Variants in CHAT observed in about 807,000 individuals in gnomAD.
CHAT encodes choline O-acetyltransferase, also known as acetyl CoA:choline O-acetyltransferase.
Under a neutral mutation model 76.9 loss-of-function variants are expected in CHAT, and 61 were observed. The ratio of observed to expected loss-of-function variants is 0.79; its 90% CI spans 0.65 to 0.98. The LOEUF is 0.98. Ranked by LOEUF, CHAT falls within the 50% of genes least tolerant of loss-of-function variation. The probability of loss-of-function intolerance (pLI) is 0.00; values close to 1 mark genes in which losing one functional copy is unlikely to be tolerated. For synonymous variants in CHAT, 407 were observed against 397.4 expected (o/e 1.02, Z -0.29); for missense variants, 946 against 986.9 (o/e 0.96, Z 0.56).
At chr10:49,637,716 T>G (rs2132767106) in intron 7 of CHAT, 1 of 152,358 alleles carries the variant, frequency 6.6e-6, no homozygotes, top group East Asian at 1.9e-4. Flanking sequence ...TTTAGAGCAG[T>G]GTGAAAACAG....
chr10:49,644,747 C>G (rs1035713676), intron 7 of CHAT, among the ~76,000 whole-genome samples: 1 of 152,174 alleles, frequency 6.6e-6, no homozygotes, highest in Non-Finnish European at 1.5e-5. Flanking sequence ...ACTGGAGACT[C>G]CTTTCAGGCA....
intron 2 of CHAT, among the ~76,000 whole-genome samples, chr10:49,618,188 A>G (rs1318905710): frequency 6.6e-6 from 1 of 152,174 alleles, no homozygotes; most frequent in Non-Finnish European, 1.5e-5. Flanking sequence ...TATCCTTCCA[A>G]ATCTCTCCAC....
At chr10:49,615,592 A>C (rs1838461083) in intron 1 of CHAT, among the ~76,000 whole-genome samples, 1 of 152,208 alleles carries the variant, frequency 6.6e-6, no homozygotes, top group African/African-American at 2.4e-5. Context: ...CCTCAGCTTT[A>C]GACTTGAGAG....
intron 3 of CHAT, 54 bp downstream of exon 3, chr10:49,619,970 GAC>G: frequency 6.4e-7 from 1 of 1,556,626 alleles, no homozygotes; most frequent in Admixed American, 1.9e-5. Context: ...CAGACCTGGA[GAC>G]AGAGGGATCT....
At chr10:49,645,464 C>A (rs953890164) in intron 7 of CHAT, among the ~76,000 whole-genome samples, 7 of 152,290 alleles carry the variant, frequency 4.6e-5, no homozygotes, top group Middle Eastern at 6.8e-3. Flanking sequence ...AGGCTGTGTA[C>A]CCCCACACCC....
At position 49,666,855 on chromosome 10, in the gene CHAT, G is replaced by T. The variant is rs558464249; in HGVS notation, c.*1809G>T. On this transcript the variant is annotated 3_prime_UTR_variant, in exon 15 of 15. Transcript: ENST00000337653. ...AGGGTCCTGGGTTTTCTGGGGAAAG[G>T]CAGCCCACCTGCTGTAAGTTGGCCC... Among the ~76,000 whole-genome samples, 2 of 152,304 alleles carry T rather than the reference G, an allele frequency of 1.3e-5. No individual in the cohort carries two copies. Among genetic ancestry groups the T allele is most frequent in the East Asian group, 3.9e-4 (2 of 5,186 alleles).
rs148944710 is a variant in CHAT at position 49,631,644 on chromosome 10, G to A, written c.1111+3859G>A. Among the ~76,000 whole-genome samples, 27 of 152,342 alleles carry A rather than the reference G, an allele frequency of 1.8e-4. No individual in the cohort carries two copies. In the East Asian group the frequency reaches 5.2e-3, roughly 29 times the overall value. On this transcript the variant is annotated intron_variant, in intron 7 of 14. Transcript: ENST00000337653. ...CATGAGATGTGTTCAGTGGGTATCA[G>A]AGGATGTGAACTAGAAAGCCAGGAA...
chr10:49,620,133 G>A (rs749065254), intron 3 of CHAT, among the ~76,000 whole-genome samples: 5 of 152,020 alleles, frequency 3.3e-5, no homozygotes, highest in African/African-American at 4.8e-5. Context: ...TGGGAAATAC[G>A]GATAGAGAAA....
intron 4 of CHAT, 28 bp downstream of exon 4, chr10:49,620,641 A>C: frequency 6.4e-7 from 1 of 1,555,404 alleles, no homozygotes; most frequent in East Asian, 2.3e-5. Flanking sequence ...CTAGCTCATA[A>C]CCTGGGGACC....
At chr10:49,649,814 A>G (rs1424868862) in intron 10 of CHAT, among the ~76,000 whole-genome samples, 178 bp downstream of exon 10, 1 of 150,958 alleles carries the variant, frequency 6.6e-6, no homozygotes, top group Non-Finnish European at 1.5e-5. Context: ...AACTCTGGGG[A>G]AATAACCTTG....
At chr10:49,618,068 C>T (rs1420386335) in intron 2 of CHAT, among the ~76,000 whole-genome samples, 1 of 152,204 alleles carries the variant, frequency 6.6e-6, no homozygotes, top group African/African-American at 2.4e-5. Flanking sequence ...CACAAAGAAG[C>T]CCCTGAAGGA....
At chr10:49,612,612 T>G, upstream of CHAT, 1 of 455,922 alleles carries the variant, frequency 2.2e-6, no homozygotes. Context: ...GGCTCCCCTG[T>G]GTAGAGCCTG....
At chr10:49,660,038 T>C (rs1243810248) in intron 13 of CHAT, among the ~76,000 whole-genome samples, 1 of 152,204 alleles carries the variant, frequency 6.6e-6, no homozygotes, top group Non-Finnish European at 1.5e-5. Context: ...ATGTATATCG[T>C]TCTGTATACA....
intron 7 of CHAT, among the ~76,000 whole-genome samples, chr10:49,632,136 C>T (rs1839145533): frequency 6.6e-6 from 1 of 152,162 alleles, no homozygotes. Flanking sequence ...GGAGCGGGCA[C>T]CTCAGGGGAG....
At chr10:49,617,053 C>T (rs554037495) in intron 2 of CHAT, among the ~76,000 whole-genome samples, 1 of 152,302 alleles carries the variant, frequency 6.6e-6, no homozygotes, top group East Asian at 1.9e-4. Context: ...ATGCCATCCT[C>T]CCTGGGCAGG....
chr10:49,644,449 G>C (rs550416729), intron 7 of CHAT, among the ~76,000 whole-genome samples: 5 of 152,298 alleles, frequency 3.3e-5, no homozygotes, highest in Admixed American at 6.5e-5. Flanking sequence ...CCAGGGCCTG[G>C]GCTGGCTCTC....
At chr10:49,657,444 T>C (rs1590623071) in intron 13 of CHAT, among the ~76,000 whole-genome samples, 2 of 152,072 alleles carry the variant, frequency 1.3e-5, no homozygotes, top group Non-Finnish European at 2.9e-5. Flanking sequence ...ACCATAGCAG[T>C]TGATGATCTA....
intron 7 of CHAT, among the ~76,000 whole-genome samples, chr10:49,643,453 C>A (rs1177953774): frequency 6.6e-6 from 1 of 152,222 alleles, no homozygotes; most frequent in African/African-American, 2.4e-5. Context: ...TGACCCAGAC[C>A]TGGCCAAGGC....
intron 5 of CHAT, among the ~76,000 whole-genome samples, 190 bp from the exon 6 acceptor site, chr10:49,625,283 C>T (rs1838875490): frequency 6.6e-6 from 1 of 152,186 alleles, no homozygotes; most frequent in Non-Finnish European, 1.5e-5. Flanking sequence ...AGGGTCTCCA[C>T]GTGTTGTGGA....
Sources: allele counts gnomAD v4.1 joint callset (sites outside exome capture counted in the v4.1 genomes callset), GRCh38; gene constraint gnomAD v4.1.1; transcripts MANE v1.5; gene names NCBI Gene and HGNC (gene_info 2026-07-23, HGNC 2026-07-21).